The following SLC4A10 variants were observed in gnomAD, a reference collection of about 807,000 sequenced individuals.
SLC4A10 encodes the protein solute carrier family 4 member 10, also known as sodium-driven chloride bicarbonate exchanger.
SLC4A10 carries 42 observed loss-of-function variants against 137.7 expected under a neutral mutation model. The observed-to-expected ratio is 0.30, with a 90% confidence interval of 0.24 to 0.39. The LOEUF (loss-of-function observed/expected upper bound fraction) is 0.39. SLC4A10 is among the 10% of genes least tolerant of loss of function. The pLI, the probability that SLC4A10 is intolerant of heterozygous loss-of-function variation, is 1.00. For synonymous variants in SLC4A10, 474 were observed against 464.1 expected (o/e 1.02, Z -0.27); for missense variants, 925 against 1,355.0 (o/e 0.68, Z 4.98).
chr2:161,934,500 C>T (rs1691212632), intron 15 of SLC4A10, among the ~76,000 whole-genome samples: 1 of 152,156 alleles, frequency 6.6e-6, no homozygotes, highest in African/African-American at 2.4e-5. Context: ...GACAGGATCT[C>T]ATTCTTTTTA....
At chr2:161,968,643 G>A (rs981526807) in intron 23 of SLC4A10, among the ~76,000 whole-genome samples, 5 of 152,010 alleles carry the variant, frequency 3.3e-5, no homozygotes, top group Non-Finnish European at 7.4e-5. Context: ...TACATGGAAA[G>A]AAACAAGAAA....
At position 161,660,561 on chromosome 2, in the gene SLC4A10, T is replaced by TTTCTTTCTTTCG. The variant is rs2038163189; in HGVS notation, c.48+36006_48+36007insGTTCTTTCTTTC. ...TAGTTTGTGTACTCATCTATATTTC[T>TTTCTTTCTTTCG]TTCTTTCTTTCTTTCTTTCTTTCTT... is the stretch of plus-strand genomic sequence containing the variant. On this transcript the variant is annotated intron_variant, in intron 1 of 26. Transcript: ENST00000446997. 1.1e-4 allele frequency among the ~76,000 whole-genome samples: 5 copies of TTTCTTTCTTTCG among 46,794 alleles called. No homozygotes were observed. In the South Asian group the frequency reaches 2.1e-3, roughly 19 times the overall value. 30.7% of individuals were successfully genotyped at this position (46,794 alleles called of 152,430 possible).
chr2:161,731,022 G>A (rs189867329), intron 1 of SLC4A10, among the ~76,000 whole-genome samples: 3 of 152,210 alleles, frequency 2.0e-5, no homozygotes, highest in Non-Finnish European at 4.4e-5. Flanking sequence ...TTTAATAAAT[G>A]TTGTTTTGAA....
chr2:161,909,549 T>G (rs1220937558), intron 15 of SLC4A10, among the ~76,000 whole-genome samples: 1 of 152,178 alleles, frequency 6.6e-6, no homozygotes, highest in Non-Finnish European at 1.5e-5. Context: ...AATGACAGTC[T>G]CATGGGAAAT....
At chr2:161,953,587 G>A (rs1336852297) in intron 19 of SLC4A10, among the ~76,000 whole-genome samples, 13 of 151,254 alleles carry the variant, frequency 8.6e-5, no homozygotes, top group African/African-American at 2.2e-4. Context: ...TGGCCTGGGC[G>A]ACAGGGTGAG....
chr2:161,917,712 CTGGT>C (rs1160568657), intron 15 of SLC4A10, among the ~76,000 whole-genome samples: 1 of 151,994 alleles, frequency 6.6e-6, no homozygotes, highest in Non-Finnish European at 1.5e-5. Flanking sequence ...AACTATTGTG[CTGGT>C]GTGTAGCGGT....
chr2:161,811,616 T>C (rs55633070), intron 3 of SLC4A10, among the ~76,000 whole-genome samples: 4,662 of 152,134 alleles, frequency 0.031, 242 homozygotes, highest in African/African-American at 0.11. Context: ...CTTCGCCTTC[T>C]TCATCATTCT....
intron 1 of SLC4A10, among the ~76,000 whole-genome samples, chr2:161,749,518 G>GT (rs1272961151): frequency 2.6e-5 from 4 of 151,802 alleles, no homozygotes; most frequent in Admixed American, 6.6e-5. Context: ...ATGATCATGT[G>GT]TTTTTTTATT....
chr2:161,777,608 T>A (rs928252659), intron 2 of SLC4A10, among the ~76,000 whole-genome samples: 11 of 151,960 alleles, frequency 7.2e-5, no homozygotes, highest in African/African-American at 2.2e-4. Context: ...AGTCACATCT[T>A]ACATGGATGG....
chr2:161,703,731 G>T (rs2125020509), intron 1 of SLC4A10, among the ~76,000 whole-genome samples: 1 of 151,774 alleles, frequency 6.6e-6, no homozygotes, highest in East Asian at 1.9e-4. Context: ...AAGAAATGAT[G>T]TATTATTAAG....
intron 1 of SLC4A10, among the ~76,000 whole-genome samples, chr2:161,724,034 A>G (rs1235737971): frequency 2.0e-5 from 3 of 152,228 alleles, no homozygotes; most frequent in Non-Finnish European, 2.9e-5. Flanking sequence ...CCTGACAATC[A>G]TCCTCAACTT....
intron 1 of SLC4A10, among the ~76,000 whole-genome samples, chr2:161,673,862 C>G (rs2105804529): frequency 6.6e-6 from 1 of 152,084 alleles, no homozygotes; most frequent in East Asian, 1.9e-4. Flanking sequence ...TGGTGGTGCA[C>G]ACCGGTAGTC....
At chr2:161,897,024 T>C (rs1198046035) in intron 11 of SLC4A10, among the ~76,000 whole-genome samples, 3 of 152,220 alleles carry the variant, frequency 2.0e-5, no homozygotes, top group African/African-American at 4.8e-5. Context: ...TCATATTATA[T>C]AGAAAACTCC....
At chr2:161,944,782 A>G (rs1434515702) in intron 16 of SLC4A10, among the ~76,000 whole-genome samples, 1 of 151,726 alleles carries the variant, frequency 6.6e-6, no homozygotes, top group East Asian at 1.9e-4. Flanking sequence ...TTTTAAGTCA[A>G]AAAAAGACCA....
intron 3 of SLC4A10, among the ~76,000 whole-genome samples, chr2:161,831,433 A>ATT (rs750599693): frequency 6.6e-6 from 1 of 151,348 alleles, no homozygotes; most frequent in East Asian, 1.9e-4. Context: ...TGAATTCATG[A>ATT]TTTTTTTTTA....
At chr2:161,976,498 G>A (rs995894555) in intron 24 of SLC4A10, among the ~76,000 whole-genome samples, 5 of 152,178 alleles carry the variant, frequency 3.3e-5, no homozygotes, top group African/African-American at 1.2e-4. Flanking sequence ...TGGAGTTCCA[G>A]TTTTATAGGA....
intron 15 of SLC4A10, among the ~76,000 whole-genome samples, chr2:161,936,255 G>T (rs1275482343): frequency 2.0e-5 from 3 of 152,064 alleles, no homozygotes; most frequent in Non-Finnish European, 4.4e-5. Context: ...TTCTTGTAAT[G>T]TTCTTGTCTG....
intron 5 of SLC4A10, among the ~76,000 whole-genome samples, chr2:161,855,383 A>G (rs1019704527): frequency 2.0e-5 from 3 of 152,216 alleles, no homozygotes; most frequent in Admixed American, 2.0e-4. Flanking sequence ...TTCACCATTT[A>G]TTTTCATTAT....
chr2:161,837,196 C>T (rs550076512), intron 3 of SLC4A10, among the ~76,000 whole-genome samples: 271 of 152,116 alleles, frequency 1.8e-3, no homozygotes, highest in African/African-American at 6.3e-3. Context: ...ATGATCTCTA[C>T]CTGGAAAATT....
Sources: allele counts gnomAD v4.1 joint callset (sites outside exome capture counted in the v4.1 genomes callset), GRCh38; gene constraint gnomAD v4.1.1; transcripts MANE v1.5; gene names NCBI Gene and HGNC (gene_info 2026-07-23, HGNC 2026-07-21).